ZFAT: variants seen among roughly 807,000 people sequenced by gnomAD.
ZFAT encodes zinc finger protein ZFAT.
In ZFAT, 64 loss-of-function variants were observed where a neutral mutation model predicts 117.7. The observed-to-expected ratio is 0.54, with a 90% CI of 0.44 to 0.67. The LOEUF (loss-of-function observed/expected upper bound fraction) is 0.67, where lower values mean the gene tolerates loss of function less well. Among genes scored for constraint, ZFAT ranks in the 30% least tolerant of loss-of-function variants. ZFAT has a pLI of 0.00. For synonymous variants in ZFAT, 679 were observed against 615.0 expected (o/e 1.10, Z -1.54); for missense variants, 1,433 against 1,584.5 (o/e 0.90, Z 1.62).
chr8:134,741,801 C>T, the ZFAT span, among the ~76,000 whole-genome samples: 1 of 152,094 alleles, frequency 6.6e-6, no homozygotes, highest in Non-Finnish European at 1.5e-5. Flanking sequence ...AAATTTACCT[C>T]TCATGCTCCA....
upstream of ZFAT, among the ~76,000 whole-genome samples, chr8:134,716,536 C>T (rs1234934217): frequency 6.6e-6 from 1 of 152,174 alleles, no homozygotes; most frequent in African/African-American, 2.4e-5. Context: ...GCCAGGGCCC[C>T]TTCAAAGAAG....
chr8:134,509,335 T>C (rs1183960278), intron 15 of ZFAT, among the ~76,000 whole-genome samples: 2 of 152,220 alleles, frequency 1.3e-5, no homozygotes, highest in African/African-American at 2.4e-5. Context: ...GTCCACATCA[T>C]GCTCATTTTC....
chr8:134,550,463 G>A (rs769475689), intron 11 of ZFAT, among the ~76,000 whole-genome samples: 2 of 152,148 alleles, frequency 1.3e-5, no homozygotes, highest in Non-Finnish European at 2.9e-5. Flanking sequence ...TTTTAAAACC[G>A]TGGCATACCA....
At chr8:134,697,128 T>G (rs1833882299) in intron 1 of ZFAT, among the ~76,000 whole-genome samples, 1 of 151,552 alleles carries the variant, frequency 6.6e-6, no homozygotes, top group Non-Finnish European at 1.5e-5. Context: ...TGAGATGGAG[T>G]CTCACTCCGT....
the ZFAT span, among the ~76,000 whole-genome samples, chr8:134,815,939 C>A: frequency 6.6e-6 from 1 of 152,320 alleles, no homozygotes; most frequent in South Asian, 2.1e-4. Flanking sequence ...TTATCTTCCT[C>A]TTCTGTCAGA....
chr8:134,600,084 G>C (rs538900262), intron 7 of ZFAT: 2 of 359,078 alleles, frequency 5.6e-6, no homozygotes, highest in Non-Finnish European at 1.1e-5. Flanking sequence ...ACCACGTTCA[G>C]TAGGAGCTAT....
chr8:134,583,747 G>T, intron 10 of ZFAT, 85 bp downstream of exon 10: 3 of 1,510,528 alleles, frequency 2.0e-6, no homozygotes, highest in Non-Finnish European at 2.7e-6. Context: ...TCCTGCCTCT[G>T]GTACAGCAAG....
intron 12 of ZFAT, among the ~76,000 whole-genome samples, chr8:134,532,102 C>T (rs1241979935): frequency 3.3e-5 from 5 of 152,180 alleles, no homozygotes; most frequent in African/African-American, 1.2e-4. Flanking sequence ...ATAAGCTAAG[C>T]CCTCTCCAGT....
intron 15 of ZFAT, among the ~76,000 whole-genome samples, chr8:134,479,514 G>A (rs1336954998): frequency 6.6e-6 from 1 of 152,204 alleles, no homozygotes; most frequent in Non-Finnish European, 1.5e-5. Flanking sequence ...AATAACAACT[G>A]TCTTTGATCT....
chr8:134,634,435 A>G (rs1393901711), intron 3 of ZFAT, among the ~76,000 whole-genome samples: 1 of 152,222 alleles, frequency 6.6e-6, no homozygotes, highest in African/African-American at 2.4e-5. Flanking sequence ...CAAAAGTAAT[A>G]ATATCCAATA....
chr8:134,730,790 C>T, the ZFAT span, among the ~76,000 whole-genome samples: 91 of 152,272 alleles, frequency 6.0e-4, 1 homozygote, highest in African/African-American at 1.3e-3. Context: ...GCCAGGATGA[C>T]GAAGGCATGC....
At chr8:134,749,463 G>C in the ZFAT span, among the ~76,000 whole-genome samples, 1 of 152,144 alleles carries the variant, frequency 6.6e-6, no homozygotes, top group African/African-American at 2.4e-5. Context: ...CATGGTAGAA[G>C]GGGCAAGGGA....
intron 11 of ZFAT, among the ~76,000 whole-genome samples, chr8:134,564,535 C>A (rs1210531064): frequency 6.6e-6 from 1 of 152,218 alleles, no homozygotes; most frequent in Non-Finnish European, 1.5e-5. Context: ...TCCAGAGGGA[C>A]AAAACAGATG....
chr8:134,724,643 TC>T, the ZFAT span, among the ~76,000 whole-genome samples: 1 of 152,112 alleles, frequency 6.6e-6, no homozygotes, highest in African/African-American at 2.4e-5. Flanking sequence ...TCTGGGCCTT[TC>T]CTGGTTTCGT....
intron 1 of ZFAT, among the ~76,000 whole-genome samples, chr8:134,672,026 A>G (rs561822672): frequency 6.6e-6 from 1 of 152,378 alleles, no homozygotes; most frequent in Admixed American, 6.5e-5. Flanking sequence ...AGAATAAAAT[A>G]CCTAGGAATA....
the ZFAT span, among the ~76,000 whole-genome samples, chr8:134,832,241 G>A: frequency 6.6e-6 from 1 of 151,702 alleles, no homozygotes; most frequent in Non-Finnish European, 1.5e-5. Flanking sequence ...GGCGGCAGCG[G>A]CTCCCTCCGG....
chr8:134,747,163 A>C, the ZFAT span, among the ~76,000 whole-genome samples: 1 of 152,008 alleles, frequency 6.6e-6, no homozygotes, highest in Non-Finnish European at 1.5e-5. Flanking sequence ...ATCATGGCTC[A>C]CTGCAGCCTC....
chr8:134,733,532 C>T, the ZFAT span, among the ~76,000 whole-genome samples: 20 of 152,350 alleles, frequency 1.3e-4, no homozygotes, highest in Non-Finnish European at 2.1e-4. Context: ...ACCTATTGTC[C>T]TTATCATATA....
At chr8:134,523,110 C>T (rs780807786) in intron 12 of ZFAT, among the ~76,000 whole-genome samples, 1 of 152,186 alleles carries the variant, frequency 6.6e-6, no homozygotes, top group Non-Finnish European at 1.5e-5. Flanking sequence ...ATTCCTCCAT[C>T]ATCCTGAAGT....
Sources: gnomAD v4.1 joint callset for allele counts (sites outside exome capture counted in the v4.1 genomes callset) on GRCh38, gnomAD v4.1.1 for gene constraint, MANE v1.5 for transcripts, NCBI Gene and HGNC (gene_info 2026-07-23, HGNC 2026-07-21) for gene names.